The following ZNF19 variants were observed in gnomAD, a reference collection of about 807,000 sequenced individuals.
The protein encoded by ZNF19 is zinc finger protein 19 (KOX 12).
In ZNF19, 11 loss-of-function variants were observed where a neutral mutation model predicts 13.1. The observed-to-expected ratio is 0.84, with a 90% CI of 0.53 to 1.39. The LOEUF (loss-of-function observed/expected upper bound fraction) is 1.39. Among genes scored for constraint, ZNF19 ranks in the 40% most tolerant of loss-of-function variants. The pLI, the probability that ZNF19 is intolerant of heterozygous loss-of-function variation, is 0.00. For missense variants in ZNF19, 560 were observed against 547.0 expected (o/e 1.02, Z -0.24); for synonymous variants, 186 against 187.0 (o/e 0.99, Z 0.04).
Position 71,482,103 on chromosome 16 carries a change from C to T in ZNF19, c.12G>A (p.Met4Ile), listed in dbSNP as rs754349380. ...TCACCTGGTATTGAGCTTTCAGAGG[C>T]ATGGCTGCCATGACCTGGTCTCCCT... is the stretch of plus-strand genomic sequence containing the variant. MAA[M>I]PLKAQYQEMV... Residue 4 changes from methionine (M) to isoleucine (I), a missense_variant, in exon 3 of 6, where the codon ATG becomes ATA. Physicochemically the swap from Met to Ile is conservative, Grantham distance 10. Coordinates refer to ENST00000288177, the MANE Select transcript of ZNF19 (RefSeq NM_006961.4). 2 of 1,614,160 alleles carry T rather than the reference C, an allele frequency of 1.2e-6. No homozygotes were observed. Among genetic ancestry groups the T allele is most frequent in the South Asian group, 2.2e-5 (2 of 91,042 alleles).
rs950923019 is a variant in ZNF19, at chr16:71,474,835, G to C, written c.*335C>G. ...GTATATATTTTTAGCTTCAGGCATG[G>C]TGTATGTGGCTGTTCAAACATTATC... On this transcript the variant is annotated 3_prime_UTR_variant, in exon 6 of 6. Transcript: ENST00000288177. The C allele has an allele frequency of 4.4e-6, 1 of 229,318 alleles. No individual in the cohort carries two copies. The allele number at this position is 229,318 out of a possible 1,614,324, so 14.2% of individuals were successfully genotyped here. A position where few individuals can be genotyped will look rare whatever the true frequency, so the allele number is the denominator to read the frequency against.
At position 71,482,101 on chromosome 16, in the gene ZNF19, G is replaced by A; in HGVS notation, c.14C>T (p.Pro5Leu). 1.2e-6 allele frequency: 2 copies of A among 1,614,172 alleles called. No individual in the cohort carries two copies. Among genetic ancestry groups the A allele is most frequent in the Admixed American group, 1.7e-5 (1 of 60,024 alleles). ...GCTCACCTGGTATTGAGCTTTCAGA[G>A]GCATGGCTGCCATGACCTGGTCTCC... MAAMPLKAQYQEMVT... is the reference protein window; with the variant it reads MAAMLLKAQYQEMVT... The change falls in exon 3 of 6, where the codon CCT becomes CTT. Residue 5 changes from proline (P) to leucine (L), a missense_variant. Coordinates refer to ENST00000288177, the MANE Select transcript of ZNF19 (RefSeq NM_006961.4).
At chr16:71,476,304 C>A in intron 5 of ZNF19, 32 bp from the exon 6 acceptor site, 1 of 1,574,768 alleles carries the variant, frequency 6.4e-7, no homozygotes, top group Non-Finnish European at 8.6e-7. Flanking sequence ...ACAAATAATG[C>A]CACCTGAGAA....
intron 3 of ZNF19, among the ~76,000 whole-genome samples, chr16:71,481,481 G>C (rs1229806924): frequency 6.6e-6 from 1 of 152,184 alleles, no homozygotes; most frequent in Admixed American, 6.5e-5. Context: ...GCAATTATGT[G>C]ACTGGCTCAA....
In ZNF19 at chr16:71,488,064, A is replaced by G. The variant is rs142484753; in HGVS notation, c.-190+1208T>C. On this transcript the variant is annotated intron_variant, in intron 1 of 5. Coordinates refer to ENST00000288177, the MANE Select transcript of ZNF19 (RefSeq NM_006961.4). The stretch of plus-strand genomic sequence containing the variant: ...AGCAAGAGCAAGGCCAGAAAAAGAA[A>G]TAAAAGGCACATAGGTCAGACACAG... Among the ~76,000 whole-genome samples, 132 of 152,324 alleles carry G rather than the reference A, an allele frequency of 8.7e-4. 1 individual carries two copies. Among genetic ancestry groups the G allele is most frequent in the African/African-American group, 3.1e-3 (129 of 41,574 alleles).
At position 71,474,980 on chromosome 16, in the gene ZNF19, G is replaced by A; in HGVS notation, c.*190C>T. On this transcript the variant is annotated 3_prime_UTR_variant, in exon 6 of 6. Coordinates refer to ENST00000288177, the MANE Select transcript of ZNF19 (RefSeq NM_006961.4). ...TAAAACCAATGGGGGTGGGCGGGGG[G>A]AGAGTATTTGTTCCTATTAGCTCTT... The A allele has an allele frequency of 3.0e-6, 2 of 667,908 alleles. No homozygotes were observed. Among genetic ancestry groups the A allele is most frequent in the Non-Finnish European group, 4.9e-6 (2 of 410,852 alleles). 41.4% of individuals were successfully genotyped at this position (667,908 alleles called of 1,614,324 possible).
At chr16:71,480,199 G>A (rs1396741711) in intron 3 of ZNF19, among the ~76,000 whole-genome samples, 2 of 152,094 alleles carry the variant, frequency 1.3e-5, no homozygotes, top group African/African-American at 2.4e-5. Flanking sequence ...CTCCTCAGAT[G>A]TTGGTATTGA....
At chr16:71,478,453 G>T in intron 4 of ZNF19, 112 bp from the exon 5 acceptor site, 1 of 787,222 alleles carries the variant, frequency 1.3e-6, no homozygotes, top group Non-Finnish European at 2.2e-6. Flanking sequence ...GTTCTCGACT[G>T]GAGAAGGCCA....
At chr16:71,483,096 G>A (rs1014178178) in intron 2 of ZNF19, among the ~76,000 whole-genome samples, 1 of 152,152 alleles carries the variant, frequency 6.6e-6, no homozygotes, top group Non-Finnish European at 1.5e-5. Context: ...TAAAATAATA[G>A]ACAAGAATGG....
Position 71,478,243 on chromosome 16 carries a change from T to C in ZNF19, c.259A>G (p.Lys87Glu). The C allele has an allele frequency of 6.2e-7, 1 of 1,613,882 alleles. No individual in the cohort carries two copies. Among genetic ancestry groups the C allele is most frequent in the African/African-American group, 1.3e-5 (1 of 75,058 alleles). The change falls in exon 5 of 6, where the codon AAA becomes GAA. Residue 87 changes from lysine (K) to glutamate (E), a missense_variant. Physicochemically the swap from Lys to Glu is moderately conservative, Grantham distance 56 (BLOSUM62 1). Coordinates refer to ENST00000288177, the MANE Select transcript of ZNF19 (RefSeq NM_006961.4). ...AQDDPPAERT[K>E]NVCKDVETNI... ...CCTCACCTACCTTTACAGACGTTTT[T>C]GGTCCTCTCTGCTGGGGGATCATCC...
In ZNF19 at chr16:71,482,148, GGGAAGAAACA is replaced by G. The variant is rs753505345; in HGVS notation, c.-29-15_-29-6del. ...CTCCCTCTTAGCAGGCAAAGGCTGAGGGAAGAAACAGAGAGAACCAACAGTGAGCTCAGCC... is the reference window on the plus strand; with the variant it reads ...CTCCCTCTTAGCAGGCAAAGGCTGAGGAGAGAACCAACAGTGAGCTCAGCC... On this transcript the variant is annotated splice_polypyrimidine_tract_variant and splice_region_variant and intron_variant, in intron 2 of 5. Transcript: ENST00000288177. 3.1e-6 allele frequency: 5 copies of G among 1,613,556 alleles called. No individual in the cohort carries two copies. The African/African-American group carries it at 6.7e-5, about 22-fold the overall frequency.
intron 1 of ZNF19, among the ~76,000 whole-genome samples, chr16:71,485,339 A>G (rs2043670157): frequency 6.6e-6 from 1 of 151,790 alleles, no homozygotes; most frequent in South Asian, 2.1e-4. Context: ...AATCCCAGCT[A>G]CTCGGGAGGC....
At chr16:71,477,201 G>C (rs1181138212) in intron 5 of ZNF19, among the ~76,000 whole-genome samples, 1 of 152,212 alleles carries the variant, frequency 6.6e-6, no homozygotes, top group Non-Finnish European at 1.5e-5. Context: ...GTGAGTTAAA[G>C]GAGTAAGGGA....
chr16:71,481,597 G>A (rs988747685), intron 3 of ZNF19, among the ~76,000 whole-genome samples: 1 of 152,110 alleles, frequency 6.6e-6, no homozygotes, highest in South Asian at 2.1e-4. Flanking sequence ...CAGCAGTACT[G>A]ACCTCAAGGA....
chr16:71,481,414 C>T (rs767455569), intron 3 of ZNF19, among the ~76,000 whole-genome samples: 28 of 152,294 alleles, frequency 1.8e-4, no homozygotes, highest in Non-Finnish European at 3.1e-4. Flanking sequence ...AATTCTCTGT[C>T]CCAAAAATGT....
rs1295891029 is a variant in ZNF19 at position 71,475,991 on chromosome 16, C to G, written c.556G>C (p.Glu186Gln). ...YARHQRIHTG[E>Q]KPFECSECGK... ...CACTCACTACACTCAAAAGGTTTCTCCCCAGTGTGGATTCTCTGGTGTCTA... is the reference window on the plus strand; with the variant it reads ...CACTCACTACACTCAAAAGGTTTCTGCCCAGTGTGGATTCTCTGGTGTCTA... The change falls in exon 6 of 6, where the codon GAG becomes CAG. Residue 186 changes from glutamate to glutamine, a missense_variant. Transcript: ENST00000288177. 6.2e-7 allele frequency: 1 copy of G among 1,614,202 alleles called. No homozygotes were observed. Among genetic ancestry groups the G allele is most frequent in the Non-Finnish European group, 8.5e-7 (1 of 1,180,032 alleles).
chr16:71,479,795 CTCT>C (rs1489827763), intron 3 of ZNF19, among the ~76,000 whole-genome samples: 1 of 151,228 alleles, frequency 6.6e-6, no homozygotes, highest in African/African-American at 2.4e-5. Flanking sequence ...GGTTCTTTTT[CTCT>C]TTTTTTTCTG....
intron 5 of ZNF19, 68 bp downstream of exon 5, chr16:71,478,160 T>C: frequency 9.8e-7 from 1 of 1,016,202 alleles, no homozygotes; most frequent in Non-Finnish European, 1.5e-6. Flanking sequence ...CTGCCCAGCA[T>C]GATTCATTTT....
rs368490940 is a variant in ZNF19 at position 71,475,996 on chromosome 16, G to A, written c.551C>T (p.Thr184Ile). 1.2e-6 allele frequency: 2 copies of A among 1,614,186 alleles called. No homozygotes were observed. Among genetic ancestry groups the A allele is most frequent in the East Asian group, 2.2e-5 (1 of 44,878 alleles). Residue 184 changes from threonine (T) to isoleucine (I), a missense_variant, in exon 6 of 6, where the codon ACT becomes ATT. Physicochemically the swap from Thr to Ile is moderately conservative, Grantham distance 89. Transcript: ENST00000288177. ...SYYARHQRIH[T>I]GEKPFECSEC... is the part of the protein sequence containing the mutation. ...ACTACACTCAAAAGGTTTCTCCCCA[G>A]TGTGGATTCTCTGGTGTCTAGCATA...
Sources: gnomAD v4.1 joint callset for allele counts (sites outside exome capture counted in the v4.1 genomes callset) on GRCh38, gnomAD v4.1.1 for gene constraint, MANE v1.5 for transcripts, NCBI Gene and HGNC (gene_info 2026-07-23, HGNC 2026-07-21) for gene names.